Variants in ZFAND6 observed in about 807,000 individuals in gnomAD.
ZFAND6 encodes zinc finger AN1-type containing 6.
A neutral mutation model predicts 24.5 loss-of-function variants in ZFAND6; 12 were observed. The observed-to-expected ratio is 0.49, with a 90% CI of 0.31 to 0.79. ZFAND6 has a LOEUF of 0.79. ZFAND6 is among the 30% of genes least tolerant of loss of function. ZFAND6 has a pLI of 0.04. For missense variants in ZFAND6, 207 were observed against 245.9 expected, an observed-to-expected ratio of 0.84 and a Z score of 1.06; for synonymous variants, 92 against 81.5, an observed-to-expected ratio of 1.13 and a Z score of -0.69.
chr15:80,124,547 A>G (rs1296822322), intron 5 of ZFAND6, among the ~76,000 whole-genome samples: 1 of 152,256 alleles, frequency 6.6e-6, no homozygotes, highest in African/African-American at 2.4e-5. Context: ...GTGAACTATC[A>G]TAACACATAG....
intron 1 of ZFAND6, among the ~76,000 whole-genome samples, chr15:80,089,948 C>G (rs1474884356): frequency 6.6e-6 from 1 of 152,082 alleles, no homozygotes; most frequent in Non-Finnish European, 1.5e-5. Flanking sequence ...ATCCTTCATC[C>G]TCATTCAAAA....
At chr15:80,075,942 A>G (rs1469555240) in intron 1 of ZFAND6, among the ~76,000 whole-genome samples, 1 of 152,108 alleles carries the variant, frequency 6.6e-6, no homozygotes, top group Non-Finnish European at 1.5e-5. Flanking sequence ...TTTTGTAAGT[A>G]CTAGATTTCT....
At chr15:80,136,935 C>CT (rs1202239760) in intron 6 of ZFAND6, among the ~76,000 whole-genome samples, 1 of 152,134 alleles carries the variant, frequency 6.6e-6, no homozygotes, top group Non-Finnish European at 1.5e-5. Flanking sequence ...CTCAGAGAGG[C>CT]TAATTTGCCT....
In ZFAND6 at chr15:80,122,773, G is replaced by A. The variant is rs961534443; in HGVS notation, c.337G>A (p.Ala113Thr). The change falls in exon 5 of 7, where the codon GCA becomes ACA. Residue 113 changes from alanine to threonine, a missense_variant. Physicochemically the swap from Ala to Thr is moderately conservative, Grantham distance 58. Transcript: ENST00000261749. ...SQLDSTSVDKAVPETEDVQAS... is the reference protein window; with the variant it reads ...SQLDSTSVDKTVPETEDVQAS... Reference sequence around the variant, plus strand: ...ATTGGACAGTACATCTGTGGACAAAGCAGTACCTGAAACAGAAGATGTGCA... The same window carrying A: ...ATTGGACAGTACATCTGTGGACAAAACAGTACCTGAAACAGAAGATGTGCA... The A allele has an allele frequency of 3.1e-6, 5 of 1,613,240 alleles. No individual in the cohort carries two copies. The African/African-American group carries it at 6.7e-5, about 22-fold the overall frequency.
At chr15:80,116,754 CT>C (rs1392050838) in intron 2 of ZFAND6, among the ~76,000 whole-genome samples, 1 of 152,112 alleles carries the variant, frequency 6.6e-6, no homozygotes, top group Non-Finnish European at 1.5e-5. Context: ...CATAAACTTT[CT>C]TAAAGCATTA....
chr15:80,080,884 A>G (rs777927123), intron 1 of ZFAND6, among the ~76,000 whole-genome samples: 1 of 152,230 alleles, frequency 6.6e-6, no homozygotes, highest in Non-Finnish European at 1.5e-5. Flanking sequence ...TGTGAAAACT[A>G]TCTCAAGGAC....
intron 1 of ZFAND6, among the ~76,000 whole-genome samples, chr15:80,070,010 A>G (rs905896886): frequency 1.3e-5 from 2 of 152,144 alleles, no homozygotes; most frequent in East Asian, 3.8e-4. Context: ...TTTATCAACT[A>G]CTACAATAAA....
In ZFAND6 at chr15:80,137,678, C is replaced by T; in HGVS notation, c.*50C>T. The T allele has an allele frequency of 1.3e-6, 2 of 1,511,772 alleles. No individual in the cohort carries two copies. Among genetic ancestry groups the T allele is most frequent in the Non-Finnish European group, 1.8e-6 (2 of 1,136,334 alleles). 93.6% of individuals were successfully genotyped at this position (1,511,772 alleles called of 1,614,324 possible). ...TGAGCATCTGCAAACTAAAAATTGA[C>T]TTGAGGTTTTTTTTTTCCTAGTCAT... On this transcript the variant is annotated 3_prime_UTR_variant, in exon 7 of 7. Transcript: ENST00000261749.
intron 1 of ZFAND6, among the ~76,000 whole-genome samples, chr15:80,084,519 A>C (rs1379091174): frequency 6.6e-6 from 1 of 152,246 alleles, no homozygotes; most frequent in African/African-American, 2.4e-5. Context: ...AACCAGATGT[A>C]ATGGCATAAA....
intron 1 of ZFAND6, among the ~76,000 whole-genome samples, chr15:80,083,192 C>T (rs750781789): frequency 6.6e-6 from 1 of 152,052 alleles, no homozygotes; most frequent in Non-Finnish European, 1.5e-5. Flanking sequence ...GGGGTTTCAC[C>T]GTGTTAGCTG....
intron 3 of ZFAND6, 47 bp from the exon 4 acceptor site, chr15:80,121,665 C>A: frequency 6.6e-7 from 1 of 1,521,252 alleles, no homozygotes; most frequent in Non-Finnish European, 9.1e-7. Flanking sequence ...AGGTCTTAGA[C>A]TGCTGAGCAT....
intron 2 of ZFAND6, among the ~76,000 whole-genome samples, chr15:80,115,606 T>C (rs548436046): frequency 6.6e-6 from 1 of 152,200 alleles, no homozygotes; most frequent in Admixed American, 6.5e-5. Flanking sequence ...AATTACTCTT[T>C]ATGGTTTTTT....
At chr15:80,111,512 A>C (rs753184275) in intron 2 of ZFAND6, 3 of 456,002 alleles carry the variant, frequency 6.6e-6, no homozygotes, top group South Asian at 3.1e-5. Context: ...GTCAATCAGA[A>C]GTTTTCTAGA....
At chr15:80,098,306 C>G (rs2038849732) in intron 1 of ZFAND6, 110 bp from the exon 2 acceptor site, 1 of 152,138 alleles carries the variant, frequency 6.6e-6, no homozygotes, top group Admixed American at 6.6e-5. Flanking sequence ...TTCAGCCACC[C>G]TTTTAACCTA....
In ZFAND6 at chr15:80,120,418, G is replaced by A. The variant is rs752616708; in HGVS notation, c.74G>A (p.Arg25His). ...STGCGFYGNP[R>H]TNGMCSVCYK... ...GGCTGTGGATTTTATGGAAACCCTC[G>A]TACAAATGGCATGTGTTCAGTATGC... The change falls in exon 3 of 7, where the codon CGT (arginine) becomes CAT (histidine). Residue 25 changes from arginine to histidine, a missense_variant. Arg to His is a conservative substitution (Grantham distance 29, BLOSUM62 0). Transcript: ENST00000261749. 2.5e-6 allele frequency: 4 copies of A among 1,605,780 alleles called. No individual in the cohort carries two copies. The highest frequency in any genetic ancestry group is 3.4e-6 in the Non-Finnish European group (4 of 1,174,674).
At chr15:80,128,582 A>C (rs2040467420) in intron 5 of ZFAND6, among the ~76,000 whole-genome samples, 1 of 152,248 alleles carries the variant, frequency 6.6e-6, no homozygotes. Flanking sequence ...GACTTTTAAA[A>C]ATAGTACTAT....
intron 2 of ZFAND6, among the ~76,000 whole-genome samples, chr15:80,102,732 C>A (rs2039100639): frequency 6.6e-6 from 1 of 152,074 alleles, no homozygotes; most frequent in Admixed American, 6.6e-5. Flanking sequence ...TGGATTTCAG[C>A]ACTGATAATC....
intron 6 of ZFAND6, among the ~76,000 whole-genome samples, chr15:80,132,261 T>C (rs188874335): frequency 1.0e-3 from 152 of 152,306 alleles, no homozygotes; most frequent in African/African-American, 3.5e-3. Context: ...AGCCTAGAAA[T>C]ATATTTTTTT....
Position 80,120,018 on chromosome 15 carries a change from A to G in ZFAND6, c.-17-310A>G, listed in dbSNP as rs2040078050. Reference sequence around the variant, plus strand: ...ACTAGGAGGGTCCAAACTGAGCTAGACTTAATAAGTTATCCTTGACCTTCT... The same window carrying G: ...ACTAGGAGGGTCCAAACTGAGCTAGGCTTAATAAGTTATCCTTGACCTTCT... On this transcript the variant is annotated intron_variant, in intron 2 of 6. Coordinates refer to ENST00000261749, the MANE Select transcript of ZFAND6 (RefSeq NM_019006.4). Among the ~76,000 whole-genome samples, 3 of 152,230 alleles carry G rather than the reference A, an allele frequency of 2.0e-5. No homozygotes were observed. In the South Asian group the frequency reaches 6.2e-4, roughly 32 times the overall value.
Sources: gnomAD v4.1 joint callset for allele counts (sites outside exome capture counted in the v4.1 genomes callset) on GRCh38, gnomAD v4.1.1 for gene constraint, MANE v1.5 for transcripts, NCBI Gene and HGNC (gene_info 2026-07-23, HGNC 2026-07-21) for gene names.